Variants in NUP98 observed in about 807,000 individuals in gnomAD.
The protein encoded by NUP98 is nuclear pore complex protein Nup98-Nup96.
Under a neutral mutation model 191.9 loss-of-function variants are expected in NUP98, and 26 were observed. That is an observed-to-expected ratio of 0.14 (90% CI 0.10 to 0.19). The LOEUF (loss-of-function observed/expected upper bound fraction) is 0.19. NUP98 is among the 10% of genes least tolerant of loss of function. The pLI, the probability that NUP98 is intolerant of heterozygous loss-of-function variation, is 1.00. For missense variants in NUP98, 1,941 were observed against 2,178.8 expected (o/e 0.89, Z 2.17); for synonymous variants, 808 against 778.4 (o/e 1.04, Z -0.63).
At chr11:3,758,954 C>A (rs923723122) in intron 10 of NUP98, among the ~76,000 whole-genome samples, 1 of 152,190 alleles carries the variant, frequency 6.6e-6, no homozygotes, top group African/African-American at 2.4e-5. Flanking sequence ...AAAAATCAAA[C>A]CAAACACATC....
intron 14 of NUP98, among the ~76,000 whole-genome samples, chr11:3,726,061 C>T (rs1321793380): frequency 6.6e-6 from 1 of 152,174 alleles, no homozygotes; most frequent in East Asian, 1.9e-4. Flanking sequence ...GCACTGTACT[C>T]ATTCACTACA....
intron 20 of NUP98, among the ~76,000 whole-genome samples, chr11:3,711,026 G>A (rs2079011134): frequency 6.6e-6 from 1 of 151,898 alleles, no homozygotes; most frequent in Non-Finnish European, 1.5e-5. Flanking sequence ...GATCACTTGA[G>A]GCCAGGAGTT....
intron 11 of NUP98, among the ~76,000 whole-genome samples, chr11:3,752,611 T>A (rs1219546168): frequency 6.6e-6 from 1 of 150,958 alleles, no homozygotes; most frequent in South Asian, 2.1e-4. Flanking sequence ...ACAGATTAAC[T>A]GGACAGTGGA....
At chr11:3,782,504 G>T (rs1399339008) in intron 1 of NUP98, among the ~76,000 whole-genome samples, 2 of 151,150 alleles carry the variant, frequency 1.3e-5, no homozygotes, top group Non-Finnish European at 2.9e-5. Context: ...CCTCATAGGA[G>T]GTTATGAATC....
intron 11 of NUP98, among the ~76,000 whole-genome samples, chr11:3,748,014 T>C (rs767691113): frequency 1.3e-5 from 2 of 152,220 alleles, no homozygotes; most frequent in Non-Finnish European, 1.5e-5. Context: ...TCTTAATTGA[T>C]TGTATTCATC....
chr11:3,776,128 T>A (rs970897194), intron 4 of NUP98, 107 bp from the exon 5 acceptor site: 45 of 824,748 alleles, frequency 5.5e-5, no homozygotes, highest in Non-Finnish European at 7.5e-5. Context: ...TTCATTTTTT[T>A]TTTTTTTTTT....
At chr11:3,695,149 C>G (rs2078460747) in intron 26 of NUP98, among the ~76,000 whole-genome samples, 1 of 152,102 alleles carries the variant, frequency 6.6e-6, no homozygotes, top group Admixed American at 6.5e-5. Context: ...GGCAACAGAG[C>G]CAGACCCTAT....
At chr11:3,725,275 T>G in intron 14 of NUP98, 56 bp from the exon 15 acceptor site, 1 of 770,062 alleles carries the variant, frequency 1.3e-6, no homozygotes, top group Admixed American at 2.1e-5. Context: ...TACAGATATG[T>G]CCCAGACATT....
intron 7 of NUP98, among the ~76,000 whole-genome samples, chr11:3,770,482 G>A (rs1170622835): frequency 4.7e-5 from 7 of 147,698 alleles, no homozygotes; most frequent in African/African-American, 1.3e-4. Context: ...CTAAAACCCT[G>A]TCTCAAGAAA....
chr11:3,752,763 T>G (rs1407356765), intron 11 of NUP98, among the ~76,000 whole-genome samples: 1 of 152,206 alleles, frequency 6.6e-6, no homozygotes, highest in African/African-American at 2.4e-5. Flanking sequence ...ATGACCATCA[T>G]CACGCTCCAG....
intron 30 of NUP98, among the ~76,000 whole-genome samples, chr11:3,682,517 A>C (rs1166823282): frequency 1.3e-5 from 2 of 152,198 alleles, no homozygotes; most frequent in Non-Finnish European, 2.9e-5. Flanking sequence ...GGAAGGCCCA[A>C]AGAGAGGGAA....
At chr11:3,788,687 T>C (rs1472404046) in intron 1 of NUP98, among the ~76,000 whole-genome samples, 1 of 152,218 alleles carries the variant, frequency 6.6e-6, no homozygotes. Context: ...GGCTCACGCA[T>C]GTAATCGCAC....
At chr11:3,698,722 T>A (rs1453981125) in intron 25 of NUP98, among the ~76,000 whole-genome samples, 1 of 98,206 alleles carries the variant, frequency 1.0e-5, no homozygotes, top group Non-Finnish European at 1.8e-5. Context: ...AGTGAAACTG[T>A]CTCAAAAAAA....
chr11:3,721,064 C>A (rs2079382023), intron 16 of NUP98: 1 of 268,802 alleles, frequency 3.7e-6, no homozygotes, highest in Non-Finnish European at 6.9e-6. Flanking sequence ...ATCAAAGAGT[C>A]TAAAACTTAC....
At chr11:3,733,614 C>A (rs1410481516) in intron 13 of NUP98, among the ~76,000 whole-genome samples, 1 of 152,120 alleles carries the variant, frequency 6.6e-6, no homozygotes, top group Non-Finnish European at 1.5e-5. Flanking sequence ...GCCCACTGTG[C>A]CCGGCCTTCA....
chr11:3,779,169 T>C lies in NUP98; in HGVS notation c.165A>G (p.Ser55=), dbSNP rs773180461. The C allele has an allele frequency of 6.2e-6, 10 of 1,614,158 alleles. No individual in the cohort carries two copies. The highest frequency in any genetic ancestry group is 7.6e-6 in the Non-Finnish European group (9 of 1,179,994). The change falls in exon 3 of 33, where the codon TCA becomes TCG. Residue 55 remains serine, a synonymous_variant. Coordinates refer to ENST00000324932, the MANE Select transcript of NUP98 (RefSeq NM_016320.5). Reference sequence around the variant, plus strand: ...TAAAGCCCCTACCTGGTTTAGTCTGTGAATTTCCAAAGAGGCCTCCAGTAT... The same window carrying C: ...TAAAGCCCCTACCTGGTTTAGTCTGCGAATTTCCAAAGAGGCCTCCAGTAT... ...SNNTGGLFGN[S]QTKPGGLFGT... is the part of the protein sequence containing the mutation.
intron 16 of NUP98, among the ~76,000 whole-genome samples, chr11:3,721,568 G>A (rs1448086142): frequency 2.0e-5 from 3 of 151,918 alleles, no homozygotes; most frequent in Admixed American, 6.6e-5. Context: ...GCATGGTGGC[G>A]GGTGCTTGTA....
chr11:3,796,488 G>C (rs1170419532), intron 1 of NUP98, among the ~76,000 whole-genome samples: 1 of 152,188 alleles, frequency 6.6e-6, no homozygotes, highest in African/African-American at 2.4e-5. Flanking sequence ...TCTAAGTTTA[G>C]TTCTCAAGCT....
At chr11:3,787,628 T>C (rs187622220) in intron 1 of NUP98, among the ~76,000 whole-genome samples, 1 of 152,030 alleles carries the variant, frequency 6.6e-6, no homozygotes, top group African/African-American at 2.4e-5. Flanking sequence ...CTTTTCTTCC[T>C]AAAAATTGTT....
Sources: allele counts gnomAD v4.1 joint callset (sites outside exome capture counted in the v4.1 genomes callset), GRCh38; gene constraint gnomAD v4.1.1; transcripts MANE v1.5; gene names NCBI Gene and HGNC (gene_info 2026-07-23, HGNC 2026-07-21).